The following STAG1 variants were observed in gnomAD, a reference collection of about 807,000 sequenced individuals.
STAG1 encodes the protein STAG1 cohesin complex component.
STAG1 carries 26 observed loss-of-function variants against 170.9 expected under a neutral mutation model. The ratio of observed to expected loss-of-function variants is 0.15; its 90% CI spans 0.11 to 0.21. STAG1 has a LOEUF of 0.21. Ranked by LOEUF, STAG1 falls within the 10% of genes least tolerant of loss-of-function variation. STAG1 has a pLI of 1.00. For missense variants in STAG1, 964 were observed against 1,509.5 expected (o/e 0.64, Z 5.99); for synonymous variants, 514 against 497.7 (o/e 1.03, Z -0.44).
At chr3:136,406,227 C>T (rs2087480182) in intron 21 of STAG1, among the ~76,000 whole-genome samples, 1 of 152,178 alleles carries the variant, frequency 6.6e-6, no homozygotes, top group South Asian at 2.1e-4. Context: ...CCAACTTTGA[C>T]TCACACAACT....
intron 4 of STAG1, among the ~76,000 whole-genome samples, chr3:136,588,910 G>A (rs1255713782): frequency 6.6e-6 from 1 of 152,056 alleles, no homozygotes; most frequent in Non-Finnish European, 1.5e-5. Flanking sequence ...CTACAGGCAC[G>A]TGTCACCACA....
intron 1 of STAG1, among the ~76,000 whole-genome samples, chr3:136,648,061 T>C (rs1411828642): frequency 2.6e-5 from 4 of 152,310 alleles, no homozygotes; most frequent in Non-Finnish European, 5.9e-5. Flanking sequence ...GGTATACAGA[T>C]GAAATAATAG....
chr3:136,470,675 A>G (rs2089602749), intron 12 of STAG1, among the ~76,000 whole-genome samples: 1 of 152,208 alleles, frequency 6.6e-6, no homozygotes, highest in Non-Finnish European at 1.5e-5. Flanking sequence ...GCTTTAAGAC[A>G]CATGCATACA....
At chr3:136,600,967 T>C (rs1938648658) in intron 4 of STAG1, among the ~76,000 whole-genome samples, 1 of 152,140 alleles carries the variant, frequency 6.6e-6, no homozygotes, top group Non-Finnish European at 1.5e-5. Flanking sequence ...CTTGGCTCAC[T>C]GCGACCTCCG....
chr3:136,342,953 A>C (rs1354860580), intron 30 of STAG1, among the ~76,000 whole-genome samples: 1 of 152,236 alleles, frequency 6.6e-6, no homozygotes, highest in Admixed American at 6.5e-5. Context: ...TTGGCAGCAC[A>C]AGAATGCCCA....
chr3:136,447,203 G>A (rs1023942802), intron 14 of STAG1, among the ~76,000 whole-genome samples: 10 of 151,992 alleles, frequency 6.6e-5, no homozygotes, highest in Non-Finnish European at 1.3e-4. Context: ...AAGGGTGACT[G>A]GCTGGGCGTG....
intron 31 of STAG1, 64 bp from the exon 32 acceptor site, chr3:136,340,669 T>G (rs1935931269): frequency 1.9e-6 from 2 of 1,072,186 alleles, no homozygotes; most frequent in African/African-American, 3.1e-5. Flanking sequence ...CCTGGCTGTT[T>G]CTCAGATTAA....
At chr3:136,644,105 TAAGTC>T (rs1468597415) in intron 1 of STAG1, among the ~76,000 whole-genome samples, 3 of 152,220 alleles carry the variant, frequency 2.0e-5, no homozygotes, top group Admixed American at 2.0e-4. Flanking sequence ...CAGTGTAGGC[TAAGTC>T]ATGACAATGT....
intron 4 of STAG1, among the ~76,000 whole-genome samples, chr3:136,576,912 T>TA (rs1286133710): frequency 1.3e-5 from 2 of 152,068 alleles, no homozygotes; most frequent in Non-Finnish European, 2.9e-5. Flanking sequence ...TGGAGAAAGA[T>TA]AGATTCGTTT....
intron 20 of STAG1, among the ~76,000 whole-genome samples, chr3:136,419,001 T>C (rs2087865652): frequency 6.6e-6 from 1 of 152,168 alleles, no homozygotes; most frequent in African/African-American, 2.4e-5. Flanking sequence ...CACATGTGTA[T>C]TTTTAAAAGA....
At chr3:136,604,594 T>A in intron 3 of STAG1, 121 bp from the exon 4 acceptor site, 1 of 921,748 alleles carries the variant, frequency 1.1e-6, no homozygotes, top group Non-Finnish European at 1.5e-6. Flanking sequence ...TTCTTCTCAG[T>A]AATTCAAAAA....
chr3:136,504,288 T>C (rs1010458753), intron 7 of STAG1, among the ~76,000 whole-genome samples: 21 of 152,112 alleles, frequency 1.4e-4, no homozygotes, highest in Admixed American at 1.4e-3. Context: ...ACCATTACAA[T>C]GCAAAATTAT....
intron 21 of STAG1, among the ~76,000 whole-genome samples, chr3:136,402,636 G>C (rs2087360693): frequency 6.6e-6 from 1 of 151,116 alleles, no homozygotes. Context: ...TTCAAGACCA[G>C]CCTGGCCAAG....
chr3:136,700,698 G>A (rs571304351), intron 1 of STAG1, among the ~76,000 whole-genome samples: 1 of 150,998 alleles, frequency 6.6e-6, no homozygotes, highest in East Asian at 2.0e-4. Context: ...GGGATTACAG[G>A]CATAATAGAC....
intron 28 of STAG1, among the ~76,000 whole-genome samples, chr3:136,357,408 G>T (rs1424385474): frequency 6.6e-6 from 1 of 152,052 alleles, no homozygotes; most frequent in Non-Finnish European, 1.5e-5. Flanking sequence ...AAACTAAAAT[G>T]AAATTAATAT....
At position 136,336,460 on chromosome 3, in the gene STAG1, G is replaced by T. The variant is rs1935682475; in HGVS notation, c.*1794C>A. ...GGCATGGTAGTCTACAATTCTGTCA[G>T]CATCTGTTTTCCATACAAGACTGTC... On this transcript the variant is annotated 3_prime_UTR_variant, in exon 34 of 34. Coordinates refer to ENST00000383202, the MANE Select transcript of STAG1 (RefSeq NM_005862.3). The T allele has an allele frequency of 6.6e-6, 1 of 152,246 alleles. No homozygotes were observed. The highest frequency in any genetic ancestry group is 2.1e-4 in the South Asian group (1 of 4,828). 9.4% of individuals were successfully genotyped at this position (152,246 alleles called of 1,614,324 possible).
chr3:136,520,234 C>G (rs1934606248), intron 7 of STAG1, among the ~76,000 whole-genome samples: 1 of 152,066 alleles, frequency 6.6e-6, no homozygotes, highest in South Asian at 2.1e-4. Context: ...TCTTGCCCAG[C>G]CATCTGTTTG....
intron 1 of STAG1, among the ~76,000 whole-genome samples, chr3:136,684,119 A>G (rs1460137127): frequency 2.0e-5 from 3 of 152,222 alleles, no homozygotes; most frequent in Admixed American, 6.5e-5. Context: ...TGATTTATAG[A>G]TTCAACATAA....
At chr3:136,685,560 C>T (rs1047556984) in intron 1 of STAG1, among the ~76,000 whole-genome samples, 1 of 152,204 alleles carries the variant, frequency 6.6e-6, no homozygotes, top group African/African-American at 2.4e-5. Flanking sequence ...AACTTGGAAG[C>T]AACCAAGACG....
Sources: gnomAD v4.1 joint callset for allele counts (sites outside exome capture counted in the v4.1 genomes callset) on GRCh38, gnomAD v4.1.1 for gene constraint, MANE v1.5 for transcripts, NCBI Gene and HGNC (gene_info 2026-07-23, HGNC 2026-07-21) for gene names.